WDR26: variants seen among roughly 807,000 people sequenced by gnomAD.
The protein encoded by WDR26 is WD repeat-containing protein 26.
Under a neutral mutation model 84.1 loss-of-function variants are expected in WDR26, and 5 were observed. The observed-to-expected ratio is 0.06, with a 90% CI of 0.03 to 0.13. The LOEUF is 0.13. Ranked by LOEUF, WDR26 falls within the 10% of genes least tolerant of loss-of-function variation. The probability of loss-of-function intolerance (pLI) is 1.00; values close to 1 mark genes in which losing one functional copy is unlikely to be tolerated. For missense variants in WDR26, 642 were observed against 974.9 expected, an observed-to-expected ratio of 0.66 and a Z score of 4.55; for synonymous variants, 415 against 389.6, an observed-to-expected ratio of 1.07 and a Z score of -0.77.
At position 224,424,780 on chromosome 1, in the gene WDR26, C is replaced by G. The variant is rs949277404; in HGVS notation, c.928-126G>C. 5.8e-6 allele frequency: 7 copies of G among 1,201,392 alleles called. No homozygotes were observed. The Admixed American group carries it at 1.1e-4, about 18-fold the overall frequency. The allele number at this position is 1,201,392 out of a possible 1,614,324, so 74.4% of individuals were successfully genotyped here. A position where few individuals can be genotyped will look rare whatever the true frequency, so the allele number is the denominator to read the frequency against. On this transcript the variant is annotated intron_variant, in intron 3 of 13. Coordinates refer to ENST00000414423, the MANE Select transcript of WDR26 (RefSeq NM_001379403.1). ...TTTGAAATAACTTTTTATAAAGCTT[C>G]AAGATGACTCAAAATATTTTAGTTT... is the stretch of plus-strand genomic sequence containing the variant.
At chr1:224,412,563 G>A (rs1363585284) in intron 6 of WDR26, among the ~76,000 whole-genome samples, 1 of 152,146 alleles carries the variant, frequency 6.6e-6, no homozygotes, top group South Asian at 2.1e-4. Flanking sequence ...CAAGGGCAAA[G>A]CATTTTGTGA....
Position 224,411,529 on chromosome 1 carries a change from C to T in WDR26, c.1356G>A (p.Thr452=), listed in dbSNP as rs780381891. ...AGAACCACACTTCATTACAATGCTC[C>T]GTAAGTATCTGCTGCGTATAACATG... The change falls in exon 7 of 14, where the codon ACG becomes ACA. Residue 452 remains threonine, a synonymous_variant. Coordinates refer to ENST00000414423, the MANE Select transcript of WDR26 (RefSeq NM_001379403.1). 32 of 1,612,474 alleles carry T rather than the reference C, an allele frequency of 2.0e-5. No homozygotes were observed. The East Asian group carries it at 4.5e-4, about 22-fold the overall frequency.
At chr1:224,427,104 C>T (rs10916615) in intron 3 of WDR26, among the ~76,000 whole-genome samples, 88,906 of 125,978 alleles carry the variant, frequency 0.71, 33,342 homozygotes, top group East Asian at 0.98. Flanking sequence ...ACTCTGTCTC[C>T]AAAAAAAAAA....
Position 224,432,383 on chromosome 1 carries a change from TTC to T in WDR26, c.723-604_723-603del, listed in dbSNP as rs199798653. On this transcript the variant is annotated intron_variant, in intron 1 of 13. Transcript: ENST00000414423. ...GCTTGCTTCTTGTCTCAGTAATATG[TTC>T]TGTTAGCATTTACAAAATCTGTTTT... Among the ~76,000 whole-genome samples, 1,342 of 152,338 alleles carry T rather than the reference TTC, an allele frequency of 8.8e-3. 18 individuals are homozygous for T. The highest frequency in any genetic ancestry group is 0.075 in the Middle Eastern group (22 of 294).
At chr1:224,408,286 C>T (rs1422673785) in intron 7 of WDR26, among the ~76,000 whole-genome samples, 4 of 152,176 alleles carry the variant, frequency 2.6e-5, no homozygotes, top group Admixed American at 2.0e-4. Flanking sequence ...ATTTACTTTT[C>T]TTACTTTCCC....
chr1:224,420,677 CATAA>C (rs1278722679), intron 4 of WDR26, among the ~76,000 whole-genome samples: 19 of 152,246 alleles, frequency 1.2e-4, no homozygotes, highest in African/African-American at 4.6e-4. Context: ...ATTTTTAGTA[CATAA>C]ATAGTGCTTT....
intron 4 of WDR26, among the ~76,000 whole-genome samples, chr1:224,422,162 T>C (rs190567869): frequency 2.4e-3 from 364 of 152,224 alleles, no homozygotes; most frequent in African/African-American, 8.4e-3. Flanking sequence ...ATGCAAAGAC[T>C]GGGGGACATA....
Position 224,385,725 on chromosome 1 carries a change from A to G in WDR26, c.*4110T>C, listed in dbSNP as rs1027586814. Reference sequence around the variant, plus strand: ...ACACACACACATTTTCAAGGAGCCAATAACATTTTTTTCCATCTGTGCCTA... The same window carrying G: ...ACACACACACATTTTCAAGGAGCCAGTAACATTTTTTTCCATCTGTGCCTA... On this transcript the variant is annotated 3_prime_UTR_variant, in exon 14 of 14. Transcript: ENST00000414423. 2 of 152,650 alleles carry G rather than the reference A, an allele frequency of 1.3e-5. No individual in the cohort carries two copies. The highest frequency in any genetic ancestry group is 2.4e-5 in the African/African-American group (1 of 41,534). 9.5% of individuals were successfully genotyped at this position (152,650 alleles called of 1,614,324 possible). A position where few individuals can be genotyped will look rare whatever the true frequency, so the allele number is the denominator to read the frequency against.
At chr1:224,396,777 G>C (rs1340358327) in intron 12 of WDR26, among the ~76,000 whole-genome samples, 1 of 152,072 alleles carries the variant, frequency 6.6e-6, no homozygotes, top group South Asian at 2.1e-4. Flanking sequence ...TGGGTAACGC[G>C]GTGAAACCCC....
intron 7 of WDR26, among the ~76,000 whole-genome samples, chr1:224,407,151 A>ATATATATATAT (rs1357219726): frequency 3.3e-3 from 39 of 11,882 alleles, no homozygotes; most frequent in Admixed American, 5.1e-3. Flanking sequence ...AAAAAAAAAA[A>ATATATATATAT]ATATATATAT....
At position 224,401,043 on chromosome 1, in the gene WDR26, G is replaced by A. The variant is rs1263874541; in HGVS notation, c.1626C>T (p.Ser542=). The A allele has an allele frequency of 2.5e-6, 4 of 1,613,780 alleles. No homozygotes were observed. The highest frequency in any genetic ancestry group is 3.4e-6 in the Non-Finnish European group (4 of 1,179,846). ...TTGTCAAACTGTCTTCATGAGACTG[G>A]CTCATTTTTGTCCTTAGTTCTCCTG... The change falls in exon 9 of 14, where the codon AGC becomes AGT. Residue 542 remains serine (S), a synonymous_variant. Transcript: ENST00000414423.
chr1:224,433,781 C>G lies in WDR26; in HGVS notation c.625G>C (p.Glu209Gln). Residue 209 changes from glutamate (E) to glutamine (Q), a missense_variant, in exon 1 of 14, where the codon GAA (glutamate) becomes CAA (glutamine). Coordinates refer to ENST00000414423, the MANE Select transcript of WDR26 (RefSeq NM_001379403.1). The stretch of plus-strand genomic sequence containing the variant: ...TTCTTCTTGAGGCTGCTGCCCAGTT[C>G]TGGGGTGGCCAAGGAAGAGGAGGCG... The G allele has an allele frequency of 6.5e-7, 1 of 1,536,898 alleles. No homozygotes were observed. Among genetic ancestry groups the G allele is most frequent in the Non-Finnish European group, 8.7e-7 (1 of 1,146,782 alleles).
chr1:224,424,055 C>A (rs1272069460), intron 4 of WDR26, among the ~76,000 whole-genome samples: 2 of 151,318 alleles, frequency 1.3e-5, no homozygotes, highest in Admixed American at 6.6e-5. Flanking sequence ...TACCCTTCAC[C>A]CCCCAAAAAA....
intron 7 of WDR26, among the ~76,000 whole-genome samples, chr1:224,408,478 G>A (rs1194357501): frequency 2.0e-5 from 3 of 152,106 alleles, no homozygotes; most frequent in Admixed American, 1.3e-4. Context: ...AACTAATAAA[G>A]CACAGTTTTG....
chr1:224,415,498 T>C (rs1041065148), intron 6 of WDR26, among the ~76,000 whole-genome samples: 1 of 139,710 alleles, frequency 7.2e-6, no homozygotes, highest in Non-Finnish European at 1.5e-5. Flanking sequence ...TCTTGCTCTG[T>C]CGCCCAAGCT....
intron 12 of WDR26, among the ~76,000 whole-genome samples, chr1:224,396,863 T>A (rs1325622176): frequency 1.3e-5 from 2 of 151,014 alleles, no homozygotes; most frequent in South Asian, 4.2e-4. Flanking sequence ...AGGTGGAGGT[T>A]GCATCAAGAT....
intron 6 of WDR26, chr1:224,413,308 T>G: frequency 8.0e-7 from 1 of 1,244,332 alleles, no homozygotes; most frequent in Non-Finnish European, 1.0e-6. Context: ...ATCAATAATT[T>G]AGAATTACAT....
chr1:224,415,924 G>A (rs1455647006), intron 6 of WDR26, among the ~76,000 whole-genome samples: 1 of 152,170 alleles, frequency 6.6e-6, no homozygotes, highest in Non-Finnish European at 1.5e-5. Flanking sequence ...AATATCCACT[G>A]AATGTGAAAG....
intron 8 of WDR26, 61 bp downstream of exon 8, chr1:224,404,369 G>T: frequency 6.4e-7 from 1 of 1,559,704 alleles, no homozygotes; most frequent in South Asian, 1.2e-5. Flanking sequence ...AAGTTATAAT[G>T]AATATGTACA....
Sources: allele counts gnomAD v4.1 joint callset (sites outside exome capture counted in the v4.1 genomes callset), GRCh38; gene constraint gnomAD v4.1.1; transcripts MANE v1.5; gene names NCBI Gene and HGNC (gene_info 2026-07-23, HGNC 2026-07-21).